The following ATXN10 variants were observed in gnomAD, a reference collection of about 807,000 sequenced individuals.
ATXN10 encodes the protein ataxin 10.
In ATXN10, 28 loss-of-function variants were observed where a neutral mutation model predicts 52.9. That is an observed-to-expected ratio of 0.53 (90% CI 0.39 to 0.73). The LOEUF is 0.73. Ranked by LOEUF, ATXN10 falls within the 30% of genes least tolerant of loss-of-function variation. ATXN10 has a pLI of 0.00. For missense variants in ATXN10, 565 were observed against 577.0 expected (o/e 0.98, Z 0.21); for synonymous variants, 226 against 221.5 (o/e 1.02, Z -0.18).
chr22:45,760,514 C>T (rs1426538091), intron 9 of ATXN10: 1 of 153,904 alleles, frequency 6.5e-6, no homozygotes, highest in Non-Finnish European at 1.5e-5. Flanking sequence ...GTAGTCATAT[C>T]CCATTATTTC....
At chr22:45,742,588 C>T (rs1043372609) in intron 9 of ATXN10, among the ~76,000 whole-genome samples, 1 of 151,272 alleles carries the variant, frequency 6.6e-6, no homozygotes, top group Non-Finnish European at 1.5e-5. Flanking sequence ...AGGAAAGAGC[C>T]AGTACACTTT....
rs533720985 is a variant in ATXN10 at position 45,770,437 on chromosome 22, G to A, written c.1173+29899G>A. On this transcript the variant is annotated intron_variant, in intron 9 of 11. Coordinates refer to ENST00000252934, the MANE Select transcript of ATXN10 (RefSeq NM_013236.4). The surrounding 1 kb of genome is among the most constrained non-coding windows in gnomAD (Gnocchi z 4.5). ...ATATACACACTAATGGGACACACACGTGTGTTTCTGTGTCTGTGAATGTGT... is the reference window on the plus strand; with the variant it reads ...ATATACACACTAATGGGACACACACATGTGTTTCTGTGTCTGTGAATGTGT... Among the ~76,000 whole-genome samples the A allele has an allele frequency of 3.1e-4, 47 of 152,338 alleles. No individual in the cohort carries two copies. The highest frequency in any genetic ancestry group is 5.6e-4 in the Non-Finnish European group (38 of 68,028).
chr22:45,686,505 T>A (rs1923141233), intron 1 of ATXN10, among the ~76,000 whole-genome samples: 1 of 151,996 alleles, frequency 6.6e-6, no homozygotes, highest in Admixed American at 6.6e-5. Flanking sequence ...TTTCTCCAGG[T>A]CTGAGTTTCC....
At chr22:45,737,314 C>T (rs1460985182) in intron 7 of ATXN10, among the ~76,000 whole-genome samples, 1 of 152,228 alleles carries the variant, frequency 6.6e-6, no homozygotes, top group Non-Finnish European at 1.5e-5. Context: ...TTACCTTTTG[C>T]ATGGGCTGTC....
chr22:45,804,127 T>G (rs1374323198), intron 9 of ATXN10, among the ~76,000 whole-genome samples: 2 of 152,204 alleles, frequency 1.3e-5, no homozygotes, highest in South Asian at 4.1e-4. Flanking sequence ...GCTGTCATAT[T>G]GTCGGCAGTT....
rs1207074414 is a variant in ATXN10, at chr22:45,683,614, T to A, written c.117-6098T>A. On this transcript the variant is annotated intron_variant, in intron 1 of 11. Coordinates refer to ENST00000252934, the MANE Select transcript of ATXN10 (RefSeq NM_013236.4). The surrounding 1 kb of genome is among the most constrained non-coding windows in gnomAD (Gnocchi z 4.8). Reference sequence around the variant, plus strand: ...AATAAGGTTTAAATAATATCTTATGTACAAAATCTTTCTCTAAGCATGTAA... The same window carrying A: ...AATAAGGTTTAAATAATATCTTATGAACAAAATCTTTCTCTAAGCATGTAA... Among the ~76,000 whole-genome samples the A allele has an allele frequency of 6.6e-6, 1 of 152,224 alleles. No homozygotes were observed. Among genetic ancestry groups the A allele is most frequent in the East Asian group, 1.9e-4 (1 of 5,198 alleles).
chr22:45,745,276 C>T (rs1358824695), intron 9 of ATXN10, among the ~76,000 whole-genome samples: 16 of 152,118 alleles, frequency 1.1e-4, no homozygotes, highest in Admixed American at 1.0e-3. Flanking sequence ...AGAAGAAAAA[C>T]CAAACGTTTA....
intron 4 of ATXN10, 141 bp from the exon 5 acceptor site, chr22:45,702,548 A>T (rs1923880007): frequency 1.4e-6 from 1 of 719,696 alleles, no homozygotes; most frequent in African/African-American, 1.8e-5. Flanking sequence ...TACAGTAAAT[A>T]ATCTACTTAT....
chr22:45,764,180 T>TC (rs1317985632), intron 9 of ATXN10, among the ~76,000 whole-genome samples: 8 of 151,822 alleles, frequency 5.3e-5, no homozygotes, highest in South Asian at 2.1e-4. Context: ...ATCTTCTCCC[T>TC]CCCCCATCGC....
intron 9 of ATXN10, among the ~76,000 whole-genome samples, chr22:45,785,451 A>T (rs535303685): frequency 6.6e-6 from 1 of 152,358 alleles, no homozygotes; most frequent in East Asian, 1.9e-4. Context: ...AAAGTTCTTT[A>T]TAAAGAATGC....
At position 45,702,707 on chromosome 22, in the gene ATXN10, G is replaced by A. The variant is rs144265189; in HGVS notation, c.507G>A (p.Pro169=). 560 of 1,613,590 alleles carry A rather than the reference G, an allele frequency of 3.5e-4. 1 individual carries two copies. The highest frequency in any genetic ancestry group is 1.5e-3 in the South Asian group (137 of 91,064). Residue 169 remains proline, a synonymous_variant, in exon 5 of 12, where the codon CCG becomes CCA. Transcript: ENST00000252934. The part of the protein sequence containing the change: ...PELFLSCLNH[P]DKKIVAYSSM... ...TTGGAAGGTCTTGCTTAAATCATCC[G>A]GACAAAAAAATTGTTGCCTACTCTT...
chr22:45,825,710 C>G lies in ATXN10; in HGVS notation c.1238-17281C>G, dbSNP rs148220532. On this transcript the variant is annotated intron_variant, in intron 10 of 11. Transcript: ENST00000252934. This position sits in a 1 kb window ranked among gnomAD's most constrained non-coding sequence, Gnocchi z 4.5. Reference sequence around the variant, plus strand: ...AAACAGAAACCATTCTTGGATTCATCTACTATATTTTAAAACAAGGGTCTT... The same window carrying G: ...AAACAGAAACCATTCTTGGATTCATGTACTATATTTTAAAACAAGGGTCTT... Among the ~76,000 whole-genome samples, 973 of 152,276 alleles carry G rather than the reference C, an allele frequency of 6.4e-3. 7 individuals are homozygous for G. Among genetic ancestry groups the G allele is most frequent in the South Asian group, 0.015 (73 of 4,824 alleles).
intron 9 of ATXN10, among the ~76,000 whole-genome samples, chr22:45,761,969 G>T (rs1392950837): frequency 1.3e-5 from 2 of 152,174 alleles, no homozygotes; most frequent in African/African-American, 2.4e-5. Context: ...ACTGAAGCAG[G>T]TGAATGGACC....
intron 9 of ATXN10, among the ~76,000 whole-genome samples, chr22:45,776,658 T>G (rs1926968041): frequency 6.6e-6 from 1 of 152,098 alleles, no homozygotes; most frequent in Admixed American, 6.6e-5. Flanking sequence ...CAAGAGTAAT[T>G]GAGCCCTAGC....
chr22:45,713,611 G>A (rs981031602), intron 5 of ATXN10, among the ~76,000 whole-genome samples: 2 of 152,028 alleles, frequency 1.3e-5, no homozygotes, highest in African/African-American at 4.8e-5. Flanking sequence ...TAAGTAGAAC[G>A]AAGTGTGAGC....
Position 45,840,439 on chromosome 22 carries a change from G to T in ATXN10, c.1238-2552G>T, listed in dbSNP as rs1162827863. On this transcript the variant is annotated intron_variant, in intron 10 of 11. Coordinates refer to ENST00000252934, the MANE Select transcript of ATXN10 (RefSeq NM_013236.4). This position sits in a 1 kb window ranked among gnomAD's most constrained non-coding sequence, Gnocchi z 5.8. ...AGGCTTCCGGGAGACTGTGATACTT[G>T]CTGAGTCTCGAAGGCTAAGTGTGCC... Among the ~76,000 whole-genome samples, 1 of 152,302 alleles carries T rather than the reference G, an allele frequency of 6.6e-6. No individual in the cohort carries two copies. Among genetic ancestry groups the T allele is most frequent in the East Asian group, 1.9e-4 (1 of 5,174 alleles).
intron 6 of ATXN10, 108 bp from the exon 7 acceptor site, chr22:45,729,316 TA>T: frequency 9.0e-7 from 1 of 1,106,022 alleles, no homozygotes. Context: ...AGAAGCAAGG[TA>T]AGGAATTTAA....
At chr22:45,777,316 C>T (rs941320230) in intron 9 of ATXN10, among the ~76,000 whole-genome samples, 5 of 152,152 alleles carry the variant, frequency 3.3e-5, no homozygotes, top group Admixed American at 3.3e-4. Context: ...TTTGTGAACT[C>T]AAAATTCTTT....
At chr22:45,776,986 T>C (rs1050844945) in intron 9 of ATXN10, among the ~76,000 whole-genome samples, 17 of 152,216 alleles carry the variant, frequency 1.1e-4, no homozygotes, top group Non-Finnish European at 2.4e-4. Flanking sequence ...GCAAATAATA[T>C]TTATGTCATT....
Sources: gnomAD v4.1 joint callset for allele counts (sites outside exome capture counted in the v4.1 genomes callset) on GRCh38, gnomAD v4.1.1 for gene constraint, Gnocchi (gnomAD v3.1) non-coding constraint, MANE v1.5 for transcripts, NCBI Gene and HGNC (gene_info 2026-07-23, HGNC 2026-07-21) for gene names.